FAM174A: variants seen among roughly 807,000 people sequenced by gnomAD.
FAM174A encodes the protein family with sequence similarity 174 member A.
FAM174A carries 14 observed loss-of-function variants against 14.3 expected under a neutral mutation model. The ratio of observed to expected loss-of-function variants is 0.98; its 90% CI spans 0.65 to 1.53. The LOEUF (loss-of-function observed/expected upper bound fraction) is 1.53. FAM174A is among the 40% of genes most tolerant of loss of function. The pLI, the probability that FAM174A is intolerant of heterozygous loss-of-function variation, is 0.00. For synonymous variants in FAM174A, 108 were observed against 111.4 expected (o/e 0.97, Z 0.19); for missense variants, 241 against 249.6 (o/e 0.97, Z 0.23).
chr5:100,577,280 A>G (rs943876380), intron 2 of FAM174A, among the ~76,000 whole-genome samples: 1 of 152,074 alleles, frequency 6.6e-6, no homozygotes, highest in African/African-American at 2.4e-5. Flanking sequence ...ACTAGAGGAC[A>G]TTTTGACAAT....
chr5:100,572,665 G>T (rs911290142), intron 2 of FAM174A, among the ~76,000 whole-genome samples: 1 of 151,902 alleles, frequency 6.6e-6, no homozygotes, highest in African/African-American at 2.4e-5. Context: ...TGGACATTTG[G>T]GTTGATTCCA....
chr5:100,554,981 G>T (rs1036383468), intron 1 of FAM174A, among the ~76,000 whole-genome samples: 4 of 151,814 alleles, frequency 2.6e-5, no homozygotes, highest in Non-Finnish European at 5.9e-5. Flanking sequence ...ACAACATGCA[G>T]GTTTGTTACA....
chr5:100,549,934 T>C (rs1306191699), intron 1 of FAM174A, among the ~76,000 whole-genome samples: 1 of 152,174 alleles, frequency 6.6e-6, no homozygotes, highest in Non-Finnish European at 1.5e-5. Flanking sequence ...TATCTCATTT[T>C]CTTCTGTATA....
chr5:100,577,240 C>A (rs1746921719), intron 2 of FAM174A, among the ~76,000 whole-genome samples: 1 of 151,832 alleles, frequency 6.6e-6, no homozygotes, highest in Non-Finnish European at 1.5e-5. Flanking sequence ...ATTTTAAAAT[C>A]ATTTAAATAA....
intron 2 of FAM174A, among the ~76,000 whole-genome samples, chr5:100,565,407 T>C (rs947130052): frequency 6.6e-6 from 1 of 151,828 alleles, no homozygotes; most frequent in African/African-American, 2.4e-5. Context: ...AAAATATTTA[T>C]AAACCATATA....
intron 2 of FAM174A, among the ~76,000 whole-genome samples, chr5:100,580,366 T>C (rs981098664): frequency 1.3e-5 from 2 of 152,156 alleles, no homozygotes; most frequent in Admixed American, 6.5e-5. Context: ...GGAATATATA[T>C]GTATGGGAAT....
chr5:100,567,083 T>C (rs1039593847), intron 2 of FAM174A, among the ~76,000 whole-genome samples: 1 of 151,842 alleles, frequency 6.6e-6, no homozygotes, highest in Non-Finnish European at 1.5e-5. Context: ...TTAACCAAGA[T>C]GTAGGTCCTG....
intron 1 of FAM174A, among the ~76,000 whole-genome samples, chr5:100,548,549 G>A (rs1746204810): frequency 6.6e-6 from 1 of 152,000 alleles, no homozygotes; most frequent in Non-Finnish European, 1.5e-5. Flanking sequence ...AAATTACTTA[G>A]ATTCATTAGG....
chr5:100,536,043 T>C, intron 1 of FAM174A, 79 bp downstream of exon 1: 1 of 1,323,574 alleles, frequency 7.6e-7, no homozygotes, highest in South Asian at 1.5e-5. Context: ...CTGACTTCTG[T>C]GACCCTTTCC....
At chr5:100,555,078 C>A (rs1354762153) in intron 1 of FAM174A, among the ~76,000 whole-genome samples, 1 of 151,950 alleles carries the variant, frequency 6.6e-6, no homozygotes, top group Non-Finnish European at 1.5e-5. Context: ...TCCCTCCCCC[C>A]TACCCCCACC....
At chr5:100,558,303 C>T (rs1221572268) in intron 1 of FAM174A, among the ~76,000 whole-genome samples, 1 of 152,068 alleles carries the variant, frequency 6.6e-6, no homozygotes, top group Non-Finnish European at 1.5e-5. Flanking sequence ...GTCTGAGATA[C>T]AGTTTGTTAT....
Position 100,535,578 on chromosome 5 carries a change from C to T in FAM174A, c.48C>T (p.Ser16=). Residue 16 remains serine (S), a synonymous_variant, in exon 1 of 3, where the codon TCC becomes TCT. Transcript: ENST00000312637. The stretch of plus-strand genomic sequence containing the variant: ...GCTGTCTCAGCCACCTCTTGGCTTC[C>T]GTCCTCCTCCTGCTGTTGCTGCCTG... The part of the protein sequence containing the change: ...CCCCLSHLLA[S]VLLLLLLPEL... 3.1e-6 allele frequency: 5 copies of T among 1,613,270 alleles called. No homozygotes were observed. Among genetic ancestry groups the T allele is most frequent in the East Asian group, 2.2e-5 (1 of 44,882 alleles).
chr5:100,574,712 A>C (rs1453909339), intron 2 of FAM174A, among the ~76,000 whole-genome samples: 1 of 151,986 alleles, frequency 6.6e-6, no homozygotes, highest in Non-Finnish European at 1.5e-5. Context: ...ATATTCTACC[A>C]GGGAGGAGGG....
chr5:100,573,671 A>G (rs1328448725), intron 2 of FAM174A, among the ~76,000 whole-genome samples: 2 of 150,428 alleles, frequency 1.3e-5, no homozygotes, highest in East Asian at 1.9e-4. Flanking sequence ...TACAGATTCA[A>G]TGCCATCCCC....
intron 2 of FAM174A, among the ~76,000 whole-genome samples, chr5:100,568,591 C>G (rs2112392288): frequency 6.7e-6 from 1 of 148,422 alleles, no homozygotes; most frequent in Non-Finnish European, 1.5e-5. Context: ...TGCCTGCTTC[C>G]TTTCCATAGT....
chr5:100,536,563 C>T (rs189902817), intron 1 of FAM174A, among the ~76,000 whole-genome samples: 1 of 152,250 alleles, frequency 6.6e-6, no homozygotes, highest in East Asian at 1.9e-4. Context: ...GCCCTTTAAT[C>T]TGCCACCTAA....
At chr5:100,559,190 T>C (rs7714303) in intron 1 of FAM174A, among the ~76,000 whole-genome samples, 36,084 of 151,964 alleles carry the variant, frequency 0.24, 4,619 homozygotes, top group Admixed American at 0.34. Flanking sequence ...TTCTCCTTCA[T>C]TTATGAAGCT....
At chr5:100,545,688 A>T (rs1414899876) in intron 1 of FAM174A, among the ~76,000 whole-genome samples, 1 of 152,210 alleles carries the variant, frequency 6.6e-6, no homozygotes, top group Non-Finnish European at 1.5e-5. Context: ...TTACATACAT[A>T]TGAGTATATG....
intron 1 of FAM174A, among the ~76,000 whole-genome samples, chr5:100,554,981 G>A (rs1036383468): frequency 1.3e-5 from 2 of 151,814 alleles, no homozygotes; most frequent in Admixed American, 6.6e-5. Context: ...ACAACATGCA[G>A]GTTTGTTACA....
Sources: gnomAD v4.1 joint callset for allele counts (sites outside exome capture counted in the v4.1 genomes callset) on GRCh38, gnomAD v4.1.1 for gene constraint, MANE v1.5 for transcripts, NCBI Gene and HGNC (gene_info 2026-07-23, HGNC 2026-07-21) for gene names.